The following AGR3 variants were observed in gnomAD, a reference collection of about 807,000 sequenced individuals.
The protein encoded by AGR3 is anterior gradient 3, protein disulphide isomerase family member.
A neutral mutation model predicts 24.5 loss-of-function variants in AGR3; 37 were observed. The ratio of observed to expected loss-of-function variants is 1.51; its 90% CI spans 1.16 to 1.99. AGR3 has a LOEUF of 1.99. Among genes scored for constraint, AGR3 ranks in the 30% most tolerant of loss-of-function variants. The probability of loss-of-function intolerance (pLI) is 0.00; values close to 1 mark genes in which losing one functional copy is unlikely to be tolerated. For synonymous variants in AGR3, 75 were observed against 61.6 expected (o/e 1.22, Z -1.02); for missense variants, 228 against 191.1 (o/e 1.19, Z -1.14).
At chr7:16,874,360 C>A (rs1372621023) in intron 2 of AGR3, among the ~76,000 whole-genome samples, 2 of 152,020 alleles carry the variant, frequency 1.3e-5, no homozygotes, top group African/African-American at 4.8e-5. Flanking sequence ...GTGGGAATTT[C>A]ATGGCCAAGA....
chr7:16,866,694 A>G (rs1781765159), intron 3 of AGR3, among the ~76,000 whole-genome samples: 1 of 152,184 alleles, frequency 6.6e-6, no homozygotes, highest in Non-Finnish European at 1.5e-5. Flanking sequence ...CTTATAAAAA[A>G]TAGTCAATCT....
intron 5 of AGR3, among the ~76,000 whole-genome samples, 153 bp downstream of exon 5, chr7:16,861,831 G>A (rs1416751239): frequency 1.3e-5 from 2 of 151,318 alleles, no homozygotes; most frequent in East Asian, 3.9e-4. Flanking sequence ...AACCAGGGAG[G>A]CTGAGGTTGC....
At chr7:16,876,557 T>A (rs1000744295) in intron 2 of AGR3, among the ~76,000 whole-genome samples, 1 of 152,114 alleles carries the variant, frequency 6.6e-6, no homozygotes. Flanking sequence ...CTTTATACTG[T>A]ATCCAGACTT....
At chr7:16,864,415 G>T (rs1233617709) in intron 3 of AGR3, 10 of 1,273,950 alleles carry the variant, frequency 7.8e-6, no homozygotes, top group Admixed American at 5.0e-5. Flanking sequence ...GTCCTGTGCG[G>T]GTTCACCCAG....
chr7:16,862,613 GA>G lies in AGR3; in HGVS notation c.222del (p.Gln75LysfsTer3). On this transcript the variant is annotated frameshift_variant, in exon 4 of 8. Transcript: ENST00000310398. LOFTEE classifies it high-confidence loss of function. ...AGATATCAGGGGCTAAAATTACCTT[GA>G]GAGTATTGACAATCCTCCAGGTGAT... ...VIHHLEDCQYSQALKKVFAQN... is the reference protein window; with the variant it reads ...VIHHLEDCQYXQALKKVFAQN... 1.3e-6 allele frequency: 2 copies of G among 1,517,680 alleles called. No individual in the cohort carries two copies. Among genetic ancestry groups the G allele is most frequent in the African/African-American group, 1.4e-5 (1 of 69,104 alleles). The allele number at this position is 1,517,680 out of a possible 1,614,324, so 94.0% of individuals were successfully genotyped here.
intron 3 of AGR3, among the ~76,000 whole-genome samples, chr7:16,866,839 A>G (rs2115304845): frequency 6.6e-6 from 1 of 152,152 alleles, no homozygotes; most frequent in Middle Eastern, 3.4e-3. Flanking sequence ...CACCCTTCTA[A>G]TATGTGCTGC....
In AGR3 at chr7:16,873,860, A is replaced by G. The variant is rs1251520028; in HGVS notation, c.110-17T>C. On this transcript the variant is annotated splice_polypyrimidine_tract_variant and intron_variant, in intron 2 of 7. Transcript: ENST00000310398. The stretch of plus-strand genomic sequence containing the variant: ...CTCCCCATCCTGAAATAGAAGAGAG[A>G]AATCAATGCAGTAACCCAGAACTAG... The G allele has an allele frequency of 6.3e-7, 1 of 1,594,492 alleles. No individual in the cohort carries two copies. Among genetic ancestry groups the G allele is most frequent in the Non-Finnish European group, 8.6e-7 (1 of 1,163,210 alleles).
intron 1 of AGR3, among the ~76,000 whole-genome samples, chr7:16,880,791 A>G (rs1583850547): frequency 6.6e-6 from 1 of 152,106 alleles, no homozygotes; most frequent in African/African-American, 2.4e-5. Context: ...AGTACAGGAC[A>G]GGGACAGTTG....
In AGR3 at chr7:16,878,517, G is replaced by T; in HGVS notation, c.102C>A (p.Leu34=). ...AAAATGAGATTACAGCACCTCTTGAGAGTGTCTGAGGAGGCCTCTTTTCCT... is the reference window on the plus strand; with the variant it reads ...AAAATGAGATTACAGCACCTCTTGATAGTGTCTGAGGAGGCCTCTTTTCCT... ...IKKEKRPPQT[L]SRGWGDDITW... Residue 34 remains leucine, a synonymous_variant, in exon 2 of 8, where the codon CTC becomes CTA. Coordinates refer to ENST00000310398, the MANE Select transcript of AGR3 (RefSeq NM_176813.5). 13 of 1,612,998 alleles carry T rather than the reference G, an allele frequency of 8.1e-6. No homozygotes were observed. The highest frequency in any genetic ancestry group is 1.1e-5 in the Non-Finnish European group (13 of 1,178,968).
chr7:16,856,890 T>C (rs1247008603), downstream of AGR3, among the ~76,000 whole-genome samples: 1 of 151,748 alleles, frequency 6.6e-6, no homozygotes, highest in African/African-American at 2.4e-5. Context: ...ATTTCCAAAG[T>C]AGGGGTAACC....
downstream of AGR3, among the ~76,000 whole-genome samples, chr7:16,858,658 G>A (rs1781585985): frequency 6.6e-6 from 1 of 152,044 alleles, no homozygotes; most frequent in Non-Finnish European, 1.5e-5. Context: ...ATCACCTGAG[G>A]TCAGGAGTTC....
chr7:16,860,849 A>G (rs1781627550), intron 6 of AGR3, among the ~76,000 whole-genome samples: 1 of 151,854 alleles, frequency 6.6e-6, no homozygotes, highest in Non-Finnish European at 1.5e-5. Flanking sequence ...TCCTCTCTTT[A>G]TGTCCATGTG....
chr7:16,855,652 C>T (rs62444693), downstream of AGR3, among the ~76,000 whole-genome samples: 30,035 of 152,032 alleles, frequency 0.2, 3,814 homozygotes, highest in Admixed American at 0.31. Flanking sequence ...GCAGATGTTG[C>T]GCAAAAAACA....
At chr7:16,864,428 AT>A in intron 3 of AGR3, 2 of 1,286,040 alleles carry the variant, frequency 1.6e-6, no homozygotes, top group Admixed American at 3.4e-5. Flanking sequence ...TCACCCAGAG[AT>A]TCCTCTGCAG....
chr7:16,872,840 A>T (rs1781910386), intron 3 of AGR3, among the ~76,000 whole-genome samples: 1 of 152,214 alleles, frequency 6.6e-6, no homozygotes, highest in Non-Finnish European at 1.5e-5. Flanking sequence ...ATGGCCAAGG[A>T]TATGAAGAAA....
intron 1 of AGR3, among the ~76,000 whole-genome samples, chr7:16,881,109 T>C (rs1782109118): frequency 1.3e-5 from 2 of 152,230 alleles, no homozygotes; most frequent in African/African-American, 4.8e-5. Context: ...AAGATTTTTC[T>C]ATGTTAGCTA....
At chr7:16,862,540 C>A in intron 4 of AGR3, 70 bp downstream of exon 4, 2 of 994,520 alleles carry the variant, frequency 2.0e-6, no homozygotes, top group South Asian at 2.6e-5. Context: ...GCTATTATTA[C>A]CAGGTCACTT....
chr7:16,864,586 T>G lies in AGR3; in HGVS notation c.174-1924A>C, dbSNP rs971708069. On this transcript the variant is annotated intron_variant, in intron 3 of 7. Coordinates refer to ENST00000310398, the MANE Select transcript of AGR3 (RefSeq NM_176813.5). ...ATCTTGGATAAGAGAAATCTGAGCT[T>G]GATTTCTCATTGGAATGGTTATTAG... is the stretch of plus-strand genomic sequence containing the variant. 3.4e-6 allele frequency: 5 copies of G among 1,469,064 alleles called. No individual in the cohort carries two copies. The South Asian group carries it at 5.7e-5, about 17-fold the overall frequency. The allele number at this position is 1,469,064 out of a possible 1,614,324, so 91.0% of individuals were successfully genotyped here.
intron 2 of AGR3, among the ~76,000 whole-genome samples, chr7:16,876,815 GT>G (rs1171635680): frequency 6.6e-6 from 1 of 152,174 alleles, no homozygotes; most frequent in Non-Finnish European, 1.5e-5. Context: ...TTCAACAAGA[GT>G]TTTAAATAAA....
Sources: allele counts gnomAD v4.1 joint callset (sites outside exome capture counted in the v4.1 genomes callset), GRCh38; gene constraint gnomAD v4.1.1; transcripts MANE v1.5; gene names NCBI Gene and HGNC (gene_info 2026-07-23, HGNC 2026-07-21).